SLC13A1: variants seen among roughly 807,000 people sequenced by gnomAD.
SLC13A1 encodes the protein solute carrier family 13 member 1, also known as Na(+)/sulfate cotransporter.
A neutral mutation model predicts 70.0 loss-of-function variants in SLC13A1; 65 were observed. The observed-to-expected ratio is 0.93, with a 90% CI of 0.76 to 1.14. The LOEUF (loss-of-function observed/expected upper bound fraction) is 1.14. Among genes scored for constraint, SLC13A1 ranks in the 50% most tolerant of loss-of-function variants. SLC13A1 has a pLI of 0.00. For missense variants in SLC13A1, 726 were observed against 717.8 expected, an observed-to-expected ratio of 1.01 and a Z score of -0.13; for synonymous variants, 275 against 250.5, an observed-to-expected ratio of 1.10 and a Z score of -0.92.
chr7:123,178,816 G>A (rs1345789883), intron 2 of SLC13A1, among the ~76,000 whole-genome samples: 1 of 152,102 alleles, frequency 6.6e-6, no homozygotes, highest in African/African-American at 2.4e-5. Flanking sequence ...ATCACATAAA[G>A]TTTAAAACAA....
chr7:123,151,327 C>T (rs1794546838), intron 6 of SLC13A1, among the ~76,000 whole-genome samples: 1 of 151,172 alleles, frequency 6.6e-6, no homozygotes. Flanking sequence ...CAAGACCCGT[C>T]TCAAAACAAA....
intron 6 of SLC13A1, among the ~76,000 whole-genome samples, chr7:123,159,386 C>T (rs1794812333): frequency 6.6e-6 from 1 of 152,136 alleles, no homozygotes; most frequent in Non-Finnish European, 1.5e-5. Context: ...GACCAGAAAT[C>T]CCTCTTTCTA....
intron 6 of SLC13A1, among the ~76,000 whole-genome samples, chr7:123,153,434 T>A (rs970513287): frequency 1.3e-4 from 20 of 152,122 alleles, no homozygotes; most frequent in Non-Finnish European, 2.8e-4. Flanking sequence ...ACCATTTTTT[T>A]AATCTAGCCA....
At chr7:123,116,473 C>G (rs1172042152) in intron 14 of SLC13A1, among the ~76,000 whole-genome samples, 1 of 152,156 alleles carries the variant, frequency 6.6e-6, no homozygotes, top group Non-Finnish European at 1.5e-5. Context: ...AGTTTGCTTA[C>G]TCCTGCATTC....
intron 14 of SLC13A1, 146 bp downstream of exon 14, chr7:123,117,325 T>C (rs1245483093): frequency 4.5e-6 from 3 of 661,442 alleles, no homozygotes; most frequent in South Asian, 2.5e-5. Context: ...AATTTTGTGA[T>C]TAGTCATGCA....
At chr7:123,165,105 C>A (rs995625829) in intron 6 of SLC13A1, among the ~76,000 whole-genome samples, 1 of 151,996 alleles carries the variant, frequency 6.6e-6, no homozygotes, top group African/African-American at 2.4e-5. Context: ...TATCAAAGAA[C>A]AGCTGCAGTT....
chr7:123,166,327 C>G (rs1215290323), intron 6 of SLC13A1, among the ~76,000 whole-genome samples: 1 of 152,066 alleles, frequency 6.6e-6, no homozygotes, highest in Non-Finnish European at 1.5e-5. Flanking sequence ...AAGAAATTTA[C>G]TGAATGCATG....
Position 123,168,491 on chromosome 7 carries a change from C to T in SLC13A1, c.611+13G>A. 1 of 1,605,802 alleles carries T rather than the reference C, an allele frequency of 6.2e-7. No individual in the cohort carries two copies. The highest frequency in any genetic ancestry group is 8.5e-7 in the Non-Finnish European group (1 of 1,174,304). ...TTTGGAAAAATCCCAATCAAAATGTCAGTATTCCTTACCCTGGAACTGGTT... is the reference window on the plus strand; with the variant it reads ...TTTGGAAAAATCCCAATCAAAATGTTAGTATTCCTTACCCTGGAACTGGTT... On this transcript the variant is annotated intron_variant, in intron 5 of 14. Coordinates refer to ENST00000194130, the MANE Select transcript of SLC13A1 (RefSeq NM_022444.4).
At chr7:123,122,221 A>C (rs1012059176) in intron 12 of SLC13A1, among the ~76,000 whole-genome samples, 1 of 152,136 alleles carries the variant, frequency 6.6e-6, no homozygotes, top group African/African-American at 2.4e-5. Context: ...AGTTATCAAG[A>C]AGAGAAGAGA....
In SLC13A1 at chr7:123,147,207, G is replaced by T. The variant is rs762593912; in HGVS notation, c.764C>A (p.Thr255Lys). Residue 255 changes from threonine to lysine, a missense_variant, in exon 7 of 15, where the codon ACA becomes AAA. By Grantham distance (78) the Thr-to-Lys change is moderately conservative. Coordinates refer to ENST00000194130, the MANE Select transcript of SLC13A1 (RefSeq NM_022444.4). ...CAAGTTGGTGGAGGTACCAGTGATT[G>T]TTGTCAGTCCACCAATGGTAGAAGA... Reference protein sequence around the residue: ...AYSSTIGGLTTITGTSTNLIF... With the variant: ...AYSSTIGGLTKITGTSTNLIF... 5 of 1,613,592 alleles carry T rather than the reference G, an allele frequency of 3.1e-6. No individual in the cohort carries two copies. The African/African-American group carries it at 5.3e-5, about 17-fold the overall frequency.
chr7:123,131,143 C>T (rs528413342), intron 8 of SLC13A1, among the ~76,000 whole-genome samples: 1 of 152,158 alleles, frequency 6.6e-6, no homozygotes, highest in African/African-American at 2.4e-5. Flanking sequence ...CATGCATACA[C>T]TTCAATGCCT....
At chr7:123,145,734 G>T (rs2116406736) in intron 7 of SLC13A1, among the ~76,000 whole-genome samples, 1 of 151,860 alleles carries the variant, frequency 6.6e-6, no homozygotes, top group South Asian at 2.1e-4. Flanking sequence ...TGTATTCATA[G>T]AAACAATACT....
chr7:123,159,083 T>C (rs1381288182), intron 6 of SLC13A1, among the ~76,000 whole-genome samples: 1 of 151,910 alleles, frequency 6.6e-6, no homozygotes, highest in African/African-American at 2.4e-5. Flanking sequence ...AATAATAGAC[T>C]AGAACTAAAA....
At chr7:123,160,202 C>T (rs1794842341) in intron 6 of SLC13A1, among the ~76,000 whole-genome samples, 2 of 147,002 alleles carry the variant, frequency 1.4e-5, no homozygotes, top group Admixed American at 1.4e-4. Flanking sequence ...ACCCAGGAGG[C>T]GGAGGTTGCA....
rs1041721045 is a variant in SLC13A1, at chr7:123,174,966, T to G, written c.229-3062A>C. Reference sequence around the variant, plus strand: ...TCTTCCCTAGGACACTAAACTGGATTAGATAATATCTCCCTTTTTATAGTA... The same window carrying G: ...TCTTCCCTAGGACACTAAACTGGATGAGATAATATCTCCCTTTTTATAGTA... On this transcript the variant is annotated intron_variant, in intron 2 of 14. Transcript: ENST00000194130. Among the ~76,000 whole-genome samples the G allele has an allele frequency of 2.6e-5, 4 of 152,072 alleles. No individual in the cohort carries two copies. The East Asian group carries it at 7.7e-4, about 29-fold the overall frequency.
intron 7 of SLC13A1, among the ~76,000 whole-genome samples, chr7:123,135,947 C>CT (rs1793935844): frequency 6.6e-6 from 1 of 152,150 alleles, no homozygotes; most frequent in Non-Finnish European, 1.5e-5. Flanking sequence ...CCATGAGGCT[C>CT]TATTGAAAAC....
rs144699406 is a variant in SLC13A1, at chr7:123,198,566, A to T, written c.99+1282T>A. On this transcript the variant is annotated intron_variant, in intron 1 of 14. Transcript: ENST00000194130. ...GCACCTGGTGGGAGACAACCCACAG[A>T]TGCCACAGCAGGGGCCAGTCCCTTC... is the stretch of plus-strand genomic sequence containing the variant. 2.6e-5 allele frequency among the ~76,000 whole-genome samples: 4 copies of T among 152,110 alleles called. No individual in the cohort carries two copies. In the East Asian group the frequency reaches 5.8e-4, roughly 22 times the overall value.
At chr7:123,195,094 T>C (rs1473369861) in intron 1 of SLC13A1, among the ~76,000 whole-genome samples, 1 of 152,132 alleles carries the variant, frequency 6.6e-6, no homozygotes, top group Non-Finnish European at 1.5e-5. Flanking sequence ...TCTGCTTATA[T>C]CACACAATTC....
chr7:123,119,100 A>ATTTC lies in SLC13A1; in HGVS notation c.1492_1493insGAAA (p.Leu498ArgfsTer53). ...ACTCACCAATGGAGATAATATTGGG[A>ATTTC]GAAAGAGTGTAATGGTAGCTGGATT... On this transcript the variant is annotated frameshift_variant, in exon 13 of 15. Coordinates refer to ENST00000194130, the MANE Select transcript of SLC13A1 (RefSeq NM_022444.4). LOFTEE classifies it high-confidence loss of function. 1 of 1,612,526 alleles carries ATTTC rather than the reference A, an allele frequency of 6.2e-7. No homozygotes were observed.
Sources: gnomAD v4.1 joint callset for allele counts (sites outside exome capture counted in the v4.1 genomes callset) on GRCh38, gnomAD v4.1.1 for gene constraint, MANE v1.5 for transcripts, NCBI Gene and HGNC (gene_info 2026-07-23, HGNC 2026-07-21) for gene names.